Variants in MYO16 observed in about 807,000 individuals in gnomAD.
The protein encoded by MYO16 is myosin XVI, also known as unconventional myosin-XVI.
A neutral mutation model predicts 205.3 loss-of-function variants in MYO16; 94 were observed. The observed-to-expected ratio is 0.46, with a 90% CI of 0.39 to 0.54. The LOEUF (loss-of-function observed/expected upper bound fraction) is 0.54. Among genes scored for constraint, MYO16 ranks in the 20% least tolerant of loss-of-function variants. MYO16 has a pLI of 0.00. For synonymous variants in MYO16, 988 were observed against 954.0 expected, an observed-to-expected ratio of 1.04 and a Z score of -0.66; for missense variants, 2,315 against 2,387.5, an observed-to-expected ratio of 0.97 and a Z score of 0.63.
chr13:108,800,524 A>G (rs923191764), intron 6 of MYO16, among the ~76,000 whole-genome samples: 2 of 152,156 alleles, frequency 1.3e-5, no homozygotes, highest in Non-Finnish European at 2.9e-5. Flanking sequence ...ACTATTTTCC[A>G]ATTTACATAT....
intron 34 of MYO16, among the ~76,000 whole-genome samples, chr13:109,203,004 A>T (rs1291916615): frequency 6.6e-6 from 1 of 152,238 alleles, no homozygotes; most frequent in African/African-American, 2.4e-5. Context: ...ATATAGGAGA[A>T]TGAAACTGGA....
Position 108,699,127 on chromosome 13 carries a change from CA to C in MYO16, c.293-13533del, listed in dbSNP as rs1339672557. On this transcript the variant is annotated intron_variant, in intron 2 of 34. Transcript: ENST00000457511. ...ATATATATATGTGTGTGTGTATATA[CA>C]CATATATATAGTTATTACATATATG... Among the ~76,000 whole-genome samples, 13 of 142,876 alleles carry C rather than the reference CA, an allele frequency of 9.1e-5. No homozygotes were observed. The East Asian group carries it at 2.2e-3, about 24-fold the overall frequency. 93.7% of individuals were successfully genotyped at this position (142,876 alleles called of 152,430 possible).
the MYO16 span, among the ~76,000 whole-genome samples, chr13:108,571,593 T>A: frequency 6.6e-6 from 1 of 152,098 alleles, no homozygotes; most frequent in African/African-American, 2.4e-5. Flanking sequence ...GGAGCCACTC[T>A]CTTTGAGTGA....
Position 108,898,023 on chromosome 13 carries a change from G to A in MYO16, c.1667G>A (p.Cys556Tyr). The A allele has an allele frequency of 6.2e-7, 1 of 1,611,580 alleles. No individual in the cohort carries two copies. Among genetic ancestry groups the A allele is most frequent in the Non-Finnish European group, 8.5e-7 (1 of 1,177,640 alleles). ...TLDSRFKHVV[C>Y]ILEAFGHAKT... The stretch of plus-strand genomic sequence containing the variant: ...TGTTCTCCTCTCCCACAGGTCGTGT[G>A]CATCTTAGAAGCCTTTGGACATGCC... The change falls in exon 15 of 35, where the codon TGC becomes TAC. Residue 556 changes from cysteine (C) to tyrosine (Y), a missense_variant. Cys to Tyr is a radical substitution (Grantham distance 194, BLOSUM62 -2). Transcript: ENST00000457511.
At chr13:109,118,275 C>T (rs1875822562) in intron 28 of MYO16, among the ~76,000 whole-genome samples, 1 of 152,212 alleles carries the variant, frequency 6.6e-6, no homozygotes, top group African/African-American at 2.4e-5. Flanking sequence ...ACACTATGTG[C>T]TCCATGAGGA....
intron 27 of MYO16, among the ~76,000 whole-genome samples, chr13:109,091,190 A>G (rs560438885): frequency 6.6e-6 from 1 of 152,326 alleles, no homozygotes; most frequent in South Asian, 2.1e-4. Flanking sequence ...GCAGGTACAG[A>G]CACCATGCAG....
chr13:108,998,982 G>A (rs969895844), intron 21 of MYO16, among the ~76,000 whole-genome samples: 4 of 152,164 alleles, frequency 2.6e-5, no homozygotes, highest in African/African-American at 9.7e-5. Context: ...TACTTCCTCT[G>A]TAGGTTGGAG....
chr13:108,935,743 G>T (rs1010275695), intron 16 of MYO16, among the ~76,000 whole-genome samples: 1 of 151,908 alleles, frequency 6.6e-6, no homozygotes, highest in South Asian at 2.1e-4. Context: ...TGTTCAGTAC[G>T]ATGTTGGCTG....
At chr13:109,166,587 C>G (rs1360810461) in intron 33 of MYO16, 1 of 152,198 alleles carries the variant, frequency 6.6e-6, no homozygotes, top group African/African-American at 2.4e-5. Flanking sequence ...GACGAAAGAG[C>G]ACCAGGAAAC....
chr13:109,155,273 C>T (rs1877946922), intron 32 of MYO16, among the ~76,000 whole-genome samples: 1 of 152,104 alleles, frequency 6.6e-6, no homozygotes, highest in Non-Finnish European at 1.5e-5. Flanking sequence ...GAGGAGCAGA[C>T]ATTTCCATTC....
intron 4 of MYO16, among the ~76,000 whole-genome samples, chr13:108,765,661 G>A (rs144294863): frequency 1.9e-4 from 29 of 152,204 alleles, no homozygotes; most frequent in East Asian, 7.7e-4. Flanking sequence ...CGCTTTGCCC[G>A]GGGACCCATC....
At chr13:108,868,348 T>C (rs889489018) in intron 12 of MYO16, among the ~76,000 whole-genome samples, 2 of 152,204 alleles carry the variant, frequency 1.3e-5, no homozygotes, top group African/African-American at 2.4e-5. Context: ...TGGAATCTTA[T>C]TGCTCTAATT....
chr13:108,855,590 C>A (rs770173724), intron 11 of MYO16, 37 bp downstream of exon 11: 7 of 1,388,560 alleles, frequency 5.0e-6, no homozygotes, highest in Middle Eastern at 1.9e-4. Context: ...CACTGTTTTT[C>A]TCTTGCTGCA....
intron 1 of MYO16, among the ~76,000 whole-genome samples, chr13:108,617,386 A>AT (rs367926679): frequency 4.1e-4 from 62 of 152,312 alleles, no homozygotes; most frequent in African/African-American, 1.4e-3. Flanking sequence ...CCTTCTATGC[A>AT]TTCTGCAGAT....
chr13:108,669,247 G>A (rs1881878739), intron 2 of MYO16, among the ~76,000 whole-genome samples: 1 of 152,086 alleles, frequency 6.6e-6, no homozygotes. Flanking sequence ...GAGCCAAGAT[G>A]AGTTTTCAAG....
chr13:109,014,009 G>A (rs140914207), intron 22 of MYO16, among the ~76,000 whole-genome samples: 1,843 of 152,232 alleles, frequency 0.012, 42 homozygotes, highest in African/African-American at 0.042. Context: ...TGTTGCCATT[G>A]CTTTTGGTGT....
In MYO16 at chr13:109,207,798, C is replaced by A. The variant is rs1880666839; in HGVS notation, c.*962C>A. The A allele has an allele frequency of 6.6e-6, 1 of 152,248 alleles. No homozygotes were observed. 9.4% of individuals were successfully genotyped at this position (152,248 alleles called of 1,614,324 possible). A position where few individuals can be genotyped will look rare whatever the true frequency, so the allele number is the denominator to read the frequency against. ...GGGCTGCATCGCACAGCGCTCGTCC[C>A]CCGGGACTTACACTGCATGATTCCC... On this transcript the variant is annotated 3_prime_UTR_variant, in exon 35 of 35. Transcript: ENST00000457511.
At chr13:108,503,793 G>A in the MYO16 span, among the ~76,000 whole-genome samples, 3 of 152,066 alleles carry the variant, frequency 2.0e-5, no homozygotes, top group East Asian at 5.8e-4. Flanking sequence ...TTTAAAACAT[G>A]AGGAGCTAGA....
chr13:109,118,203 A>G (rs1279239942), intron 28 of MYO16, among the ~76,000 whole-genome samples: 1 of 152,212 alleles, frequency 6.6e-6, no homozygotes, highest in Admixed American at 6.5e-5. Context: ...TTTCTTGGAC[A>G]TAACTCTATG....
Sources: gnomAD v4.1 joint callset for allele counts (sites outside exome capture counted in the v4.1 genomes callset) on GRCh38, gnomAD v4.1.1 for gene constraint, MANE v1.5 for transcripts, NCBI Gene and HGNC (gene_info 2026-07-23, HGNC 2026-07-21) for gene names.